Variants in SNX29 observed in about 807,000 individuals in gnomAD.
SNX29 encodes the protein sorting nexin-29.
In SNX29, 78 loss-of-function variants were observed where a neutral mutation model predicts 102.1. The observed-to-expected ratio is 0.76, with a 90% CI of 0.64 to 0.92. The LOEUF is 0.92. SNX29 is among the 40% of genes least tolerant of loss of function. The pLI is 0.00. For missense variants in SNX29, 1,280 were observed against 1,061.7 expected (o/e 1.21, Z -2.86); for synonymous variants, 580 against 414.5 (o/e 1.40, Z -4.85).
chr16:12,230,140 T>G (rs1369657806), intron 14 of SNX29, among the ~76,000 whole-genome samples: 2 of 152,254 alleles, frequency 1.3e-5, no homozygotes, highest in African/African-American at 2.4e-5. Context: ...GTTCTAGGAG[T>G]GTTTAAACGA....
chr16:12,535,644 G>A (rs1006323329), intron 20 of SNX29, among the ~76,000 whole-genome samples: 3 of 152,294 alleles, frequency 2.0e-5, no homozygotes, highest in South Asian at 2.1e-4. Flanking sequence ...CACTTACAGA[G>A]CAGTCTTGAA....
intron 11 of SNX29, among the ~76,000 whole-genome samples, chr16:12,079,769 C>G (rs550308773): frequency 6.6e-6 from 1 of 152,130 alleles, no homozygotes; most frequent in African/African-American, 2.4e-5. Flanking sequence ...CATCAGAGAC[C>G]GGGACTCCTC....
intron 19 of SNX29, among the ~76,000 whole-genome samples, chr16:12,498,877 T>C (rs894633886): frequency 3.9e-5 from 6 of 152,064 alleles, no homozygotes; most frequent in Non-Finnish European, 5.9e-5. Flanking sequence ...AGTAGAGAGA[T>C]GGTAGGTTTT....
At chr16:12,275,220 C>G (rs543403482) in intron 14 of SNX29, among the ~76,000 whole-genome samples, 3 of 152,088 alleles carry the variant, frequency 2.0e-5, no homozygotes, top group African/African-American at 4.8e-5. Context: ...TTTTTAGATT[C>G]CTGGGAGAAT....
At chr16:12,199,540 C>T (rs1368840874) in intron 13 of SNX29, 61 bp from the exon 14 acceptor site, 5 of 1,463,890 alleles carry the variant, frequency 3.4e-6, no homozygotes, top group Admixed American at 2.0e-5. Context: ...CCTGCCCCCT[C>T]CTGTGGGTCC....
chr16:12,538,273 A>C lies in SNX29; in HGVS notation c.2318+13432A>C, dbSNP rs544478199. Among the ~76,000 whole-genome samples the C allele has an allele frequency of 7.2e-5, 11 of 151,928 alleles. No individual in the cohort carries two copies. The South Asian group carries it at 2.3e-3, about 32-fold the overall frequency. On this transcript the variant is annotated intron_variant, in intron 20 of 20. Transcript: ENST00000566228. The stretch of plus-strand genomic sequence containing the variant: ...TGGGATTACAGGGATCTGCCACCAC[A>C]CCTGGCTAATTTTGTATTTTTGTTT...
At chr16:12,223,310 G>T (rs1007003123) in intron 14 of SNX29, among the ~76,000 whole-genome samples, 1 of 152,182 alleles carries the variant, frequency 6.6e-6, no homozygotes, top group African/African-American at 2.4e-5. Flanking sequence ...AGGATTACCT[G>T]AGGCCAGGAG....
At chr16:12,531,735 A>G (rs184742617) in intron 20 of SNX29, among the ~76,000 whole-genome samples, 191 of 152,246 alleles carry the variant, frequency 1.3e-3, no homozygotes, top group Admixed American at 2.4e-3. Flanking sequence ...AGCAGATGAG[A>G]TGAAAAGGAA....
intron 1 of SNX29, among the ~76,000 whole-genome samples, chr16:11,982,640 A>G (rs968026833): frequency 1.3e-5 from 2 of 152,014 alleles, no homozygotes; most frequent in African/African-American, 4.8e-5. Context: ...CATGTTAGCC[A>G]GGACGGTCTC....
chr16:12,545,475 T>G (rs2077552197), intron 20 of SNX29: 1 of 152,210 alleles, frequency 6.6e-6, no homozygotes. Context: ...TGCCAGTGAC[T>G]CTCCTCCTGC....
intron 18 of SNX29, among the ~76,000 whole-genome samples, chr16:12,438,116 C>G (rs1377853134): frequency 6.6e-6 from 1 of 152,046 alleles, no homozygotes; most frequent in East Asian, 1.9e-4. Flanking sequence ...CTTGGCCTAG[C>G]TTGGGCAGGA....
Position 12,078,817 on chromosome 16 carries a change from G to A in SNX29, c.1320-16G>A. The A allele has an allele frequency of 1.3e-6, 2 of 1,589,712 alleles. No individual in the cohort carries two copies. The highest frequency in any genetic ancestry group is 1.7e-6 in the Non-Finnish European group (2 of 1,167,806). ...CAGTGGCCGAGTGTAACTTCCTCCTGCCTGCTTTTTCCTAGTGTGGAAGCC... is the reference window on the plus strand; with the variant it reads ...CAGTGGCCGAGTGTAACTTCCTCCTACCTGCTTTTTCCTAGTGTGGAAGCC... On this transcript the variant is annotated splice_polypyrimidine_tract_variant and intron_variant, in intron 10 of 20. Transcript: ENST00000566228.
In SNX29 at chr16:12,024,360, G is replaced by T. The variant is rs539211432; in HGVS notation, c.123-2960G>T. Among the ~76,000 whole-genome samples, 468 of 152,092 alleles carry T rather than the reference G, an allele frequency of 3.1e-3. 2 individuals carry two copies. Among genetic ancestry groups the T allele is most frequent in the African/African-American group, 0.011 (444 of 41,486 alleles). ...GGGGTTTCACCATGTTGGCCAGGCT[G>T]GTCTTGAACTCCTGACCCCAGGTGA... On this transcript the variant is annotated intron_variant, in intron 3 of 20. Coordinates refer to ENST00000566228, the MANE Select transcript of SNX29 (RefSeq NM_032167.5).
chr16:12,347,841 G>T (rs1313495445), intron 15 of SNX29, among the ~76,000 whole-genome samples: 2 of 151,544 alleles, frequency 1.3e-5, no homozygotes, highest in Non-Finnish European at 2.9e-5. Context: ...ACTTCGGGAG[G>T]CTGAGGCAGG....
intron 11 of SNX29, among the ~76,000 whole-genome samples, chr16:12,120,209 T>C (rs1424264576): frequency 2.6e-5 from 4 of 152,164 alleles, no homozygotes; most frequent in Non-Finnish European, 5.9e-5. Context: ...GATGTTAAGT[T>C]TGAAAAATGA....
chr16:12,566,344 CA>C (rs1344464080), intron 20 of SNX29, among the ~76,000 whole-genome samples: 1 of 152,192 alleles, frequency 6.6e-6, no homozygotes, highest in African/African-American at 2.4e-5. Context: ...ACAGTCACCC[CA>C]CCGACTGCTA....
chr16:12,351,962 C>G (rs1166642934), intron 15 of SNX29, among the ~76,000 whole-genome samples: 1 of 152,024 alleles, frequency 6.6e-6, no homozygotes, highest in Non-Finnish European at 1.5e-5. Flanking sequence ...TTACCCAGTC[C>G]CCTTTGATAG....
chr16:12,403,236 G>C lies in SNX29; in HGVS notation c.1956-212G>C, dbSNP rs534623901. Reference sequence around the variant, plus strand: ...TGTGTGTGTGTGTGTGTGTGTGTGTGTGTGTGTGTGTGTGTGTGTAGAGAG... The same window carrying C: ...TGTGTGTGTGTGTGTGTGTGTGTGTCTGTGTGTGTGTGTGTGTGTAGAGAG... On this transcript the variant is annotated intron_variant, in intron 17 of 20. Coordinates refer to ENST00000566228, the MANE Select transcript of SNX29 (RefSeq NM_032167.5). Among the ~76,000 whole-genome samples, 65 of 148,774 alleles carry C rather than the reference G, an allele frequency of 4.4e-4. No homozygotes were observed. In the East Asian group the frequency reaches 0.012, roughly 27 times the overall value.
At chr16:12,218,876 G>A (rs1312748729) in intron 14 of SNX29, among the ~76,000 whole-genome samples, 1 of 152,124 alleles carries the variant, frequency 6.6e-6, no homozygotes, top group African/African-American at 2.4e-5. Context: ...CCGGGTTCAC[G>A]CCATTCTCCT....
Sources: allele counts gnomAD v4.1 joint callset (sites outside exome capture counted in the v4.1 genomes callset), GRCh38; gene constraint gnomAD v4.1.1; transcripts MANE v1.5; gene names NCBI Gene and HGNC (gene_info 2026-07-23, HGNC 2026-07-21).